Variants in DENND6A observed in about 807,000 individuals in gnomAD.
DENND6A encodes DENN domain containing 6A.
A neutral mutation model predicts 95.5 loss-of-function variants in DENND6A; 43 were observed. That is an observed-to-expected ratio of 0.45 (90% confidence interval 0.35 to 0.58). The LOEUF (loss-of-function observed/expected upper bound fraction) is 0.58, where lower values mean the gene tolerates loss of function less well. Ranked by LOEUF, DENND6A falls within the 20% of genes least tolerant of loss-of-function variation. The probability of loss-of-function intolerance (pLI) is 0.00; values close to 1 mark genes in which losing one functional copy is unlikely to be tolerated. For missense variants in DENND6A, 574 were observed against 736.0 expected, an observed-to-expected ratio of 0.78 and a Z score of 2.55; for synonymous variants, 257 against 260.4, an observed-to-expected ratio of 0.99 and a Z score of 0.13.
At chr3:57,642,804 G>A (rs1283603521) in intron 11 of DENND6A, among the ~76,000 whole-genome samples, 2 of 152,018 alleles carry the variant, frequency 1.3e-5, no homozygotes, top group Non-Finnish European at 2.9e-5. Flanking sequence ...TCAGGAGTTC[G>A]AGACCAACCT....
chr3:57,672,217 T>C, intron 3 of DENND6A, 39 bp downstream of exon 3: 2 of 1,546,026 alleles, frequency 1.3e-6, no homozygotes, highest in South Asian at 1.2e-5. Flanking sequence ...GTATTCTTAG[T>C]ATAAAATTAA....
chr3:57,642,083 G>C, intron 11 of DENND6A, among the ~76,000 whole-genome samples: 1 of 152,070 alleles, frequency 6.6e-6, no homozygotes, highest in East Asian at 1.9e-4. Flanking sequence ...CGGAGGCTGA[G>C]GCGGGCAGAT....
chr3:57,683,441 A>G (rs540910466), intron 1 of DENND6A, among the ~76,000 whole-genome samples: 24 of 152,262 alleles, frequency 1.6e-4, no homozygotes, highest in Middle Eastern at 3.4e-3. Flanking sequence ...TAGAAACCCT[A>G]CCTTCAGGAA....
At chr3:57,646,543 T>C in intron 9 of DENND6A, 105 bp from the exon 10 acceptor site, 1 of 1,412,638 alleles carries the variant, frequency 7.1e-7, no homozygotes. Flanking sequence ...AAATTCTTCC[T>C]GCTATTTGTA....
At chr3:57,630,856 T>A (rs2070653213) in intron 16 of DENND6A, 32 bp from the exon 17 acceptor site, 1 of 1,610,146 alleles carries the variant, frequency 6.2e-7, no homozygotes, top group African/African-American at 1.3e-5. Flanking sequence ...ATTTAGAAAT[T>A]AGGAGTGGAT....
chr3:57,684,775 A>G (rs2077197519), intron 1 of DENND6A, among the ~76,000 whole-genome samples: 1 of 152,170 alleles, frequency 6.6e-6, no homozygotes, highest in African/African-American at 2.4e-5. Flanking sequence ...ATAAATAAAT[A>G]AAGTCCAAAT....
intron 3 of DENND6A, among the ~76,000 whole-genome samples, chr3:57,669,314 G>C (rs1371361859): frequency 6.6e-6 from 1 of 152,132 alleles, no homozygotes; most frequent in African/African-American, 2.4e-5. Context: ...CAAAGTGCCT[G>C]CTTTCAGGTC....
chr3:57,673,243 G>GA (rs111548640), intron 1 of DENND6A, among the ~76,000 whole-genome samples: 36 of 118,660 alleles, frequency 3.0e-4, no homozygotes, highest in South Asian at 2.1e-3. Context: ...GAAAGAAAAA[G>GA]AAAAAAAAAA....
chr3:57,648,448 G>A (rs950992106), intron 9 of DENND6A, among the ~76,000 whole-genome samples: 2 of 151,980 alleles, frequency 1.3e-5, no homozygotes, highest in African/African-American at 4.8e-5. Context: ...CAAATTCAAC[G>A]CAATTCCCAT....
At chr3:57,687,440 C>G (rs944376061) in intron 1 of DENND6A, among the ~76,000 whole-genome samples, 2 of 152,120 alleles carry the variant, frequency 1.3e-5, no homozygotes, top group Non-Finnish European at 2.9e-5. Context: ...GTCTCCATAA[C>G]ATAAAAGTGC....
At chr3:57,632,431 T>C (rs571784510) in intron 15 of DENND6A, among the ~76,000 whole-genome samples, 20 of 152,064 alleles carry the variant, frequency 1.3e-4, no homozygotes, top group African/African-American at 4.6e-4. Context: ...GCAATCCTCT[T>C]ACCTTCGCCT....
In DENND6A at chr3:57,679,593, G is replaced by A. The variant is rs536007853; in HGVS notation, c.238-7155C>T. The A allele has an allele frequency of 1.1e-3, 1,101 of 982,680 alleles. 2 individuals carry two copies. Among genetic ancestry groups the A allele is most frequent in the Middle Eastern group, 7.8e-3 (15 of 1,912 alleles). The allele number at this position is 982,680 out of a possible 1,614,324, so 60.9% of individuals were successfully genotyped here. On this transcript the variant is annotated intron_variant, in intron 1 of 19. Transcript: ENST00000311128. ...GTACTGGTACCAAAACCATGTTTTG[G>A]TCCTAATTAGATGTGTCCTTGTGGG... is the stretch of plus-strand genomic sequence containing the variant.
chr3:57,660,784 C>A lies in DENND6A; in HGVS notation c.675G>T (p.Leu225=). ...CCTTCATTACCACCCCCATGATTGG[C>A]AGGTGTAATGTTTTCCCTGGCACTG... ...PAPVPGKTLH[L]PIMGVVMKVR... Residue 225 remains leucine, a synonymous_variant, in exon 7 of 20, where the codon CTG becomes CTT. Coordinates refer to ENST00000311128, the MANE Select transcript of DENND6A (RefSeq NM_152678.3). 2 of 1,609,224 alleles carry A rather than the reference C, an allele frequency of 1.2e-6. No individual in the cohort carries two copies. Among genetic ancestry groups the A allele is most frequent in the African/African-American group, 1.3e-5 (1 of 74,814 alleles).
intron 7 of DENND6A, among the ~76,000 whole-genome samples, chr3:57,660,233 C>G: frequency 6.6e-6 from 1 of 150,780 alleles, no homozygotes; most frequent in Non-Finnish European, 1.5e-5. Flanking sequence ...TCGCTTTTGT[C>G]CTGCAGGCTG....
chr3:57,636,575 G>A (rs1267187989), intron 12 of DENND6A, among the ~76,000 whole-genome samples: 1 of 152,120 alleles, frequency 6.6e-6, no homozygotes, highest in East Asian at 1.9e-4. Context: ...GAGTGTCCTG[G>A]CCAAAGAAGA....
At chr3:57,667,585 C>G (rs1324527480) in intron 3 of DENND6A, among the ~76,000 whole-genome samples, 2 of 152,314 alleles carry the variant, frequency 1.3e-5, no homozygotes, top group African/African-American at 4.8e-5. Context: ...TAGTCACTCT[C>G]TCTGTGATTA....
chr3:57,677,911 A>G (rs576681566), intron 1 of DENND6A, among the ~76,000 whole-genome samples: 140 of 152,296 alleles, frequency 9.2e-4, no homozygotes, highest in African/African-American at 3.2e-3. Flanking sequence ...CTCAGTTCCT[A>G]AATAGAAGCA....
chr3:57,635,333 G>A (rs749108720), intron 12 of DENND6A, among the ~76,000 whole-genome samples: 4 of 152,134 alleles, frequency 2.6e-5, no homozygotes, highest in Admixed American at 2.0e-4. Flanking sequence ...AGATGGACAG[G>A]ACTCCTGAGC....
intron 10 of DENND6A, 47 bp from the exon 11 acceptor site, chr3:57,645,803 G>T: frequency 3.6e-6 from 5 of 1,400,942 alleles, no homozygotes; most frequent in Non-Finnish European, 5.0e-6. Context: ...AGAAATTAAA[G>T]GTCCTAATCT....
Sources: gnomAD v4.1 joint callset for allele counts (sites outside exome capture counted in the v4.1 genomes callset) on GRCh38, gnomAD v4.1.1 for gene constraint, MANE v1.5 for transcripts, NCBI Gene and HGNC (gene_info 2026-07-23, HGNC 2026-07-21) for gene names.